The following COBL variants were observed in gnomAD, a reference collection of about 807,000 sequenced individuals.
The protein encoded by COBL is protein cordon-bleu.
A neutral mutation model predicts 98.8 loss-of-function variants in COBL; 51 were observed. That is an observed-to-expected ratio of 0.52 (90% CI 0.41 to 0.65). The LOEUF (loss-of-function observed/expected upper bound fraction) is 0.65, where lower values mean the gene tolerates loss of function less well. Among genes scored for constraint, COBL ranks in the 30% least tolerant of loss-of-function variants. COBL has a pLI of 0.00. For synonymous variants in COBL, 634 were observed against 651.7 expected (o/e 0.97, Z 0.41); for missense variants, 1,617 against 1,617.5 (o/e 1.00, Z 0.01).
intron 1 of COBL, among the ~76,000 whole-genome samples, chr7:51,306,135 G>A (rs375169931): frequency 1.3e-5 from 2 of 151,982 alleles, no homozygotes; most frequent in East Asian, 3.9e-4. Context: ...GATGAGTGGG[G>A]CCCCAGGAAC....
Position 51,305,649 on chromosome 7 carries a change from C to T in COBL, c.41+10944G>A, listed in dbSNP as rs147950479. Among the ~76,000 whole-genome samples, 712 of 152,304 alleles carry T rather than the reference C, an allele frequency of 4.7e-3. 5 individuals carry two copies. Among genetic ancestry groups the T allele is most frequent in the Non-Finnish European group, 7.5e-3 (512 of 68,032 alleles). ...AAAAAATAGATTGAGGGACATTCTG[C>T]TTGCATAGGCCCCAGGAGAGCCAAG... On this transcript the variant is annotated intron_variant, in intron 1 of 12. Transcript: ENST00000265136.
At position 51,017,261 on chromosome 7, in the gene COBL, T is replaced by G. The variant is rs1786363562; in HGVS notation, c.*290A>C. The G allele has an allele frequency of 1.8e-6, 1 of 567,674 alleles. No individual in the cohort carries two copies. Among genetic ancestry groups the G allele is most frequent in the South Asian group, 2.5e-5 (1 of 40,710 alleles). The allele number at this position is 567,674 out of a possible 1,614,324, so 35.2% of individuals were successfully genotyped here. ...ATATAATTAAGTGTGAGTGCTGGGC[T>G]CCAGCATTTATAGTCCCATTAACCT... On this transcript the variant is annotated 3_prime_UTR_variant, in exon 13 of 13. Coordinates refer to ENST00000265136, the MANE Select transcript of COBL (RefSeq NM_015198.5).
At chr7:51,088,681 A>G (rs1272281304) in intron 6 of COBL, among the ~76,000 whole-genome samples, 1 of 152,114 alleles carries the variant, frequency 6.6e-6, no homozygotes, top group East Asian at 1.9e-4. Context: ...TATAATATGT[A>G]TGTTTCTGTG....
rs192229165 is a variant in COBL, at chr7:51,125,542, T to A, written c.957+10616A>T. On this transcript the variant is annotated intron_variant, in intron 6 of 12. Transcript: ENST00000265136. Reference sequence around the variant, plus strand: ...CAAACTATGATCTACTCCTCCAGACTATGTTTTAGACTTGGTCTTCTGTTT... The same window carrying A: ...CAAACTATGATCTACTCCTCCAGACAATGTTTTAGACTTGGTCTTCTGTTT... Among the ~76,000 whole-genome samples, 60 of 152,350 alleles carry A rather than the reference T, an allele frequency of 3.9e-4. 2 individuals carry two copies. The East Asian group carries it at 0.01, about 25-fold the overall frequency.
At chr7:51,045,377 G>A (rs1359705931) in intron 7 of COBL, among the ~76,000 whole-genome samples, 2 of 152,128 alleles carry the variant, frequency 1.3e-5, no homozygotes, top group African/African-American at 4.8e-5. Flanking sequence ...TCCAATCCAA[G>A]CATGTGGGCT....
chr7:51,316,503 G>T, intron 1 of COBL, 90 bp downstream of exon 1: 1 of 989,164 alleles, frequency 1.0e-6, no homozygotes, highest in African/African-American at 1.7e-5. Flanking sequence ...GGCAGAGAGG[G>T]CGCCCTGCCC....
At chr7:51,097,110 T>G (rs953086837) in intron 6 of COBL, among the ~76,000 whole-genome samples, 14 of 152,044 alleles carry the variant, frequency 9.2e-5, no homozygotes, top group African/African-American at 3.1e-4. Flanking sequence ...GCAAACAGAA[T>G]TCAACATCAC....
chr7:51,285,878 G>A (rs1201896612), intron 1 of COBL, among the ~76,000 whole-genome samples: 9 of 152,184 alleles, frequency 5.9e-5, no homozygotes, highest in Non-Finnish European at 1.3e-4. Flanking sequence ...TGTGATATTG[G>A]TGAAGCAACA....
At chr7:51,268,719 C>T (rs550372840) in intron 1 of COBL, among the ~76,000 whole-genome samples, 6 of 152,044 alleles carry the variant, frequency 3.9e-5, no homozygotes, top group East Asian at 3.9e-4. Context: ...ATCACAAGGT[C>T]GGGAGTTCGA....
At chr7:51,228,902 G>A (rs2129101298) in intron 1 of COBL, among the ~76,000 whole-genome samples, 1 of 152,060 alleles carries the variant, frequency 6.6e-6, no homozygotes, top group South Asian at 2.1e-4. Flanking sequence ...TATAGAAAAA[G>A]GATATCTCCT....
intron 6 of COBL, among the ~76,000 whole-genome samples, chr7:51,093,505 C>A (rs1176771709): frequency 1.3e-5 from 2 of 152,150 alleles, no homozygotes; most frequent in Admixed American, 6.5e-5. Context: ...TGAGTACTAT[C>A]CAAAAAAATT....
chr7:51,300,755 C>T (rs541281430), intron 1 of COBL, among the ~76,000 whole-genome samples: 10 of 152,260 alleles, frequency 6.6e-5, no homozygotes, highest in Admixed American at 1.3e-4. Context: ...AGCCTGCCAC[C>T]GCACTCACTT....
chr7:51,242,914 C>T (rs150565613), intron 1 of COBL, among the ~76,000 whole-genome samples: 132 of 152,262 alleles, frequency 8.7e-4, no homozygotes, highest in African/African-American at 3.1e-3. Flanking sequence ...CCAGGGTAAC[C>T]GCTACCAAGG....
At chr7:51,072,497 C>G (rs1371745558) in intron 7 of COBL, 3 of 152,172 alleles carry the variant, frequency 2.0e-5, no homozygotes, top group African/African-American at 7.2e-5. Flanking sequence ...TAGTACTTAT[C>G]AAATGGAACC....
At chr7:51,231,353 C>T (rs1794729586) in intron 1 of COBL, among the ~76,000 whole-genome samples, 1 of 152,176 alleles carries the variant, frequency 6.6e-6, no homozygotes, top group Non-Finnish European at 1.5e-5. Flanking sequence ...CCATGGCCAG[C>T]AGGTCTGTCT....
intron 2 of COBL, among the ~76,000 whole-genome samples, chr7:51,196,100 C>G (rs1790564162): frequency 6.6e-6 from 1 of 152,078 alleles, no homozygotes; most frequent in Admixed American, 6.5e-5. Context: ...ATACTTCCAG[C>G]TTTTGCCCAT....
intron 12 of COBL, chr7:51,021,135 T>C (rs1396633926): frequency 1.3e-5 from 2 of 152,092 alleles, no homozygotes; most frequent in African/African-American, 4.8e-5. Context: ...ACCCCTCCAT[T>C]GCAGGATGTG....
At chr7:51,228,979 CAG>C (rs1794466353) in intron 1 of COBL, among the ~76,000 whole-genome samples, 1 of 152,144 alleles carries the variant, frequency 6.6e-6, no homozygotes, top group African/African-American at 2.4e-5. Context: ...TGGAATAGAT[CAG>C]AGAAAACTTA....
chr7:51,028,093 T>C lies in COBL; in HGVS notation c.3003A>G (p.Thr1001=). Residue 1001 remains threonine, a synonymous_variant, in exon 10 of 13, where the codon ACA becomes ACG. Transcript: ENST00000265136. Reference sequence around the variant, plus strand: ...ATGCTGAGCTGGCCTCCTGGCTACTTGTGCTTTGCTTTCCACTGAAACCAC... The same window carrying C: ...ATGCTGAGCTGGCCTCCTGGCTACTCGTGCTTTGCTTTCCACTGAAACCAC... ...QSCGFSGKQS[T]SSQEASSASE... 3.1e-6 allele frequency: 5 copies of C among 1,614,090 alleles called. No homozygotes were observed. The highest frequency in any genetic ancestry group is 4.2e-6 in the Non-Finnish European group (5 of 1,179,972).
Sources: gnomAD v4.1 joint callset for allele counts (sites outside exome capture counted in the v4.1 genomes callset) on GRCh38, gnomAD v4.1.1 for gene constraint, MANE v1.5 for transcripts, NCBI Gene and HGNC (gene_info 2026-07-23, HGNC 2026-07-21) for gene names.